Variants in GRB14 observed in about 807,000 individuals in gnomAD.
GRB14 encodes growth factor receptor-bound protein 14.
GRB14 carries 38 observed loss-of-function variants against 69.1 expected under a neutral mutation model. The ratio of observed to expected loss-of-function variants is 0.55; its 90% CI spans 0.42 to 0.72. The LOEUF is 0.72. Ranked by LOEUF, GRB14 falls within the 30% of genes least tolerant of loss-of-function variation. GRB14 has a pLI of 0.00. For missense variants in GRB14, 666 were observed against 666.1 expected, an observed-to-expected ratio of 1.00 and a Z score of 0.00; for synonymous variants, 247 against 241.3, an observed-to-expected ratio of 1.02 and a Z score of -0.22.
At chr2:164,559,178 T>C (rs1016798433) in intron 2 of GRB14, among the ~76,000 whole-genome samples, 11 of 152,190 alleles carry the variant, frequency 7.2e-5, no homozygotes, top group Admixed American at 2.6e-4. Context: ...AAACATCACT[T>C]TCTAGATCCT....
intron 3 of GRB14, among the ~76,000 whole-genome samples, chr2:164,541,139 C>T (rs1467818284): frequency 1.3e-5 from 2 of 151,918 alleles, no homozygotes; most frequent in Non-Finnish European, 2.9e-5. Flanking sequence ...GAGGTATTTA[C>T]AATGAGATAG....
At chr2:164,494,945 T>TAGAA (rs1686853293) in intron 12 of GRB14, among the ~76,000 whole-genome samples, 2 of 141,182 alleles carry the variant, frequency 1.4e-5, no homozygotes, top group African/African-American at 5.4e-5. Context: ...GGTAAGAATT[T>TAGAA]AGAATGAATT....
chr2:164,598,549 G>A (rs1190940145), intron 2 of GRB14, among the ~76,000 whole-genome samples: 1 of 152,180 alleles, frequency 6.6e-6, no homozygotes, highest in Admixed American at 6.5e-5. Context: ...TTGTTGGGCA[G>A]GGTATTCCTG....
intron 3 of GRB14, among the ~76,000 whole-genome samples, chr2:164,538,616 T>C (rs998316560): frequency 1.3e-5 from 2 of 152,180 alleles, no homozygotes; most frequent in African/African-American, 4.8e-5. Context: ...CATTCAGAGA[T>C]TCATAACAAA....
intron 2 of GRB14, among the ~76,000 whole-genome samples, chr2:164,592,123 G>GT (rs145559197): frequency 0.024 from 3,534 of 147,672 alleles, 128 homozygotes; most frequent in African/African-American, 0.081. Context: ...CCAGTCATGG[G>GT]TTTTTTTTTT....
At chr2:164,558,142 C>T (rs1368148281) in intron 2 of GRB14, among the ~76,000 whole-genome samples, 2 of 152,124 alleles carry the variant, frequency 1.3e-5, no homozygotes, top group East Asian at 3.9e-4. Flanking sequence ...CCCCTCCATT[C>T]ACCTTTATCC....
chr2:164,517,069 T>C (rs925417243), intron 6 of GRB14, among the ~76,000 whole-genome samples: 1 of 152,112 alleles, frequency 6.6e-6, no homozygotes, highest in Non-Finnish European at 1.5e-5. Context: ...TTTATCAGCA[T>C]GAGACTGGGC....
intron 3 of GRB14, among the ~76,000 whole-genome samples, chr2:164,529,516 T>G (rs954052986): frequency 6.6e-6 from 1 of 152,182 alleles, no homozygotes; most frequent in Admixed American, 6.5e-5. Context: ...ACTGTCATTT[T>G]TACCACATTC....
rs535547197 is a variant in GRB14, at chr2:164,529,590, T to C, written c.482-2455A>G. 3.3e-5 allele frequency among the ~76,000 whole-genome samples: 5 copies of C among 152,314 alleles called. No homozygotes were observed. The South Asian group carries it at 1.0e-3, about 32-fold the overall frequency. ...TCTCTACGTCTGCTCCAATATCTTC[T>C]ACTCCTGAAATTCTCAGATAGCAGG... On this transcript the variant is annotated intron_variant, in intron 3 of 13. Coordinates refer to ENST00000263915, the MANE Select transcript of GRB14 (RefSeq NM_004490.3).
intron 2 of GRB14, among the ~76,000 whole-genome samples, chr2:164,616,425 C>CAAAA (rs34263597): frequency 7.2e-4 from 48 of 66,626 alleles, no homozygotes; most frequent in African/African-American, 7.8e-4. Context: ...GACTCCGTCT[C>CAAAA]AAAAAAAAAA....
Position 164,524,907 on chromosome 2 carries a change from G to A in GRB14, c.678+97C>T, listed in dbSNP as rs1687729114. On this transcript the variant is annotated intron_variant, in intron 5 of 13. Transcript: ENST00000263915. ...CAAAAAATATTAATAATAATTCAAA[G>A]CATAACTTTTCAAAATCTGGGCATG... 4 of 666,936 alleles carry A rather than the reference G, an allele frequency of 6.0e-6. No homozygotes were observed. The East Asian group carries it at 1.2e-4, about 20-fold the overall frequency. 41.3% of individuals were successfully genotyped at this position (666,936 alleles called of 1,614,324 possible).
chr2:164,574,210 G>A (rs890433054), intron 2 of GRB14, among the ~76,000 whole-genome samples: 5 of 151,220 alleles, frequency 3.3e-5, no homozygotes, highest in African/African-American at 1.2e-4. Context: ...CACTCTAACA[G>A]TGAAGTAACC....
intron 2 of GRB14, among the ~76,000 whole-genome samples, chr2:164,581,949 C>A (rs549605421): frequency 6.6e-6 from 1 of 152,196 alleles, no homozygotes; most frequent in Non-Finnish European, 1.5e-5. Flanking sequence ...TTCTACTTGT[C>A]CTTCAGCATC....
intron 2 of GRB14, among the ~76,000 whole-genome samples, chr2:164,582,708 C>T (rs1332120260): frequency 2.0e-5 from 3 of 152,090 alleles, no homozygotes; most frequent in Admixed American, 6.5e-5. Context: ...CGTGAGCCAC[C>T]GCACCCGGCC....
chr2:164,546,424 A>G (rs1449237928), intron 3 of GRB14, among the ~76,000 whole-genome samples: 2 of 152,166 alleles, frequency 1.3e-5, no homozygotes, highest in African/African-American at 4.8e-5. Flanking sequence ...CACTGGCTTC[A>G]CTCTCCCCAA....
At chr2:164,601,267 A>G (rs1689906893) in intron 2 of GRB14, among the ~76,000 whole-genome samples, 1 of 152,162 alleles carries the variant, frequency 6.6e-6, no homozygotes, top group Admixed American at 6.5e-5. Flanking sequence ...ATGATTTCTG[A>G]CATTTTCTGA....
intron 2 of GRB14, 64 bp downstream of exon 2, chr2:164,619,623 C>T: frequency 2.6e-6 from 3 of 1,133,372 alleles, no homozygotes; most frequent in African/African-American, 1.6e-5. Flanking sequence ...TACGGAACAC[C>T]TTAAAGACTG....
chr2:164,556,802 A>C (rs1451561349), intron 2 of GRB14, among the ~76,000 whole-genome samples: 2 of 152,216 alleles, frequency 1.3e-5, no homozygotes, highest in African/African-American at 4.8e-5. Flanking sequence ...GATGTATGAC[A>C]TCAGGGACCA....
At position 164,497,507 on chromosome 2, in the gene GRB14, C is replaced by T. The variant is rs1360195183; in HGVS notation, c.1105-17G>A. 8.4e-6 allele frequency: 12 copies of T among 1,422,036 alleles called. No homozygotes were observed. Among genetic ancestry groups the T allele is most frequent in the Non-Finnish European group, 1.2e-5 (12 of 1,027,342 alleles). The allele number at this position is 1,422,036 out of a possible 1,614,324, so 88.1% of individuals were successfully genotyped here. ...TATACTTCTCTGGAAAAAAGAAACACATTTGAGTTATGAAAATTTCTTTGA... is the reference window on the plus strand; with the variant it reads ...TATACTTCTCTGGAAAAAAGAAACATATTTGAGTTATGAAAATTTCTTTGA... On this transcript the variant is annotated splice_polypyrimidine_tract_variant and intron_variant, in intron 9 of 13. Coordinates refer to ENST00000263915, the MANE Select transcript of GRB14 (RefSeq NM_004490.3).
Sources: allele counts gnomAD v4.1 joint callset (sites outside exome capture counted in the v4.1 genomes callset), GRCh38; gene constraint gnomAD v4.1.1; transcripts MANE v1.5; gene names NCBI Gene and HGNC (gene_info 2026-07-23, HGNC 2026-07-21).